The following RHBDD1 variants were observed in gnomAD, a reference collection of about 807,000 sequenced individuals.
RHBDD1 encodes rhomboid-related protein 4.
A neutral mutation model predicts 36.3 loss-of-function variants in RHBDD1; 38 were observed. The observed-to-expected ratio is 1.05, with a 90% CI of 0.81 to 1.37. RHBDD1 has a LOEUF of 1.37. RHBDD1 is among the 40% of genes most tolerant of loss of function. The pLI is 0.00. For missense variants in RHBDD1, 393 were observed against 377.6 expected (o/e 1.04, Z -0.34); for synonymous variants, 151 against 136.5 (o/e 1.11, Z -0.74).
intron 5 of RHBDD1, among the ~76,000 whole-genome samples, chr2:226,896,252 A>G (rs1331645008): frequency 1.3e-5 from 2 of 152,176 alleles, no homozygotes; most frequent in East Asian, 1.9e-4. Flanking sequence ...GAGTTCTTGC[A>G]TTGTCTCTCA....
At chr2:226,873,684 C>T (rs569985192) in intron 5 of RHBDD1, among the ~76,000 whole-genome samples, 6 of 152,092 alleles carry the variant, frequency 3.9e-5, no homozygotes, top group South Asian at 2.1e-4. Flanking sequence ...AGTTTGAAAA[C>T]GGAGAAAGCT....
At chr2:226,934,951 G>A (rs1426977006) in intron 8 of RHBDD1, among the ~76,000 whole-genome samples, 1 of 151,902 alleles carries the variant, frequency 6.6e-6, no homozygotes, top group Admixed American at 6.6e-5. Flanking sequence ...CCAGCGTGCA[G>A]CATGGGTACT....
At chr2:226,989,854 C>G (rs1244966486) in intron 8 of RHBDD1, among the ~76,000 whole-genome samples, 1 of 152,162 alleles carries the variant, frequency 6.6e-6, no homozygotes, top group Non-Finnish European at 1.5e-5. Flanking sequence ...TTTCACAATG[C>G]AGGGTGCTGA....
Position 226,890,279 on chromosome 2 carries a change from A to G in RHBDD1, c.567-16514A>G, listed in dbSNP as rs1574973919. On this transcript the variant is annotated intron_variant, in intron 5 of 8. Transcript: ENST00000392062. ...GTGAGATGTTTGAGTTTTGACTCAC[A>G]TTTTGTTTACCTGCAACGTGTCAGC... Among the ~76,000 whole-genome samples, 4 of 152,300 alleles carry G rather than the reference A, an allele frequency of 2.6e-5. No homozygotes were observed. In the South Asian group the frequency reaches 8.3e-4, roughly 32 times the overall value.
chr2:226,887,402 C>G (rs940901851), intron 5 of RHBDD1, among the ~76,000 whole-genome samples: 2 of 152,114 alleles, frequency 1.3e-5, no homozygotes, highest in South Asian at 4.1e-4. Flanking sequence ...GCTTATGATC[C>G]TGTAATTTTT....
intron 5 of RHBDD1, among the ~76,000 whole-genome samples, chr2:226,879,072 CAAAA>C (rs916415771): frequency 1.2e-5 from 1 of 84,090 alleles, no homozygotes. Flanking sequence ...ACTGGCATTC[CAAAA>C]AAAAAAAAAA....
chr2:226,990,838 C>T (rs1958025566), intron 8 of RHBDD1, among the ~76,000 whole-genome samples: 1 of 152,138 alleles, frequency 6.6e-6, no homozygotes, highest in Admixed American at 6.6e-5. Context: ...TGAGGGCTGA[C>T]CTCCATTGAC....
At chr2:226,994,458 A>G (rs1319587968) in intron 8 of RHBDD1, among the ~76,000 whole-genome samples, 2 of 152,212 alleles carry the variant, frequency 1.3e-5, no homozygotes, top group Non-Finnish European at 2.9e-5. Flanking sequence ...ATCGGGGTTG[A>G]CCTAGCATTA....
intron 6 of RHBDD1, 200 bp from the exon 7 acceptor site, chr2:226,908,622 T>G: frequency 1.9e-4 from 94 of 493,896 alleles, no homozygotes; most frequent in Middle Eastern, 5.5e-4. Context: ...CACACACACA[T>G]TCTTTTCCCT....
intron 8 of RHBDD1, among the ~76,000 whole-genome samples, chr2:226,931,655 A>G (rs1950038508): frequency 6.6e-6 from 1 of 152,138 alleles, no homozygotes; most frequent in Admixed American, 6.6e-5. Flanking sequence ...AATAAAAAAA[A>G]TTGAAAATCT....
the RHBDD1 span, among the ~76,000 whole-genome samples, chr2:226,825,139 A>G: frequency 6.6e-6 from 1 of 152,200 alleles, no homozygotes; most frequent in Non-Finnish European, 1.5e-5. Context: ...CACTCATGAA[A>G]TATTTTGCCA....
intron 5 of RHBDD1, among the ~76,000 whole-genome samples, chr2:226,871,886 T>C (rs1379267641): frequency 2.6e-5 from 4 of 152,234 alleles, no homozygotes; most frequent in Non-Finnish European, 5.9e-5. Context: ...GTAGTCTCCA[T>C]TATAAGGGCA....
At chr2:226,907,395 T>C (rs1428268199) in intron 6 of RHBDD1, among the ~76,000 whole-genome samples, 2 of 152,170 alleles carry the variant, frequency 1.3e-5, no homozygotes, top group East Asian at 3.9e-4. Context: ...TAGCTCCTGC[T>C]TTTTTTAATT....
At chr2:226,936,854 G>C (rs910094548) in intron 8 of RHBDD1, among the ~76,000 whole-genome samples, 1 of 152,024 alleles carries the variant, frequency 6.6e-6, no homozygotes, top group Non-Finnish European at 1.5e-5. Context: ...TCTGCCAAAT[G>C]ACAAGCGATT....
intron 3 of RHBDD1, among the ~76,000 whole-genome samples, chr2:226,840,680 A>G (rs116450235): frequency 6.6e-6 from 1 of 152,334 alleles, no homozygotes; most frequent in Non-Finnish European, 1.5e-5. Context: ...CATTAGCTCT[A>G]GGAATGTTGT....
At chr2:226,921,923 A>G (rs1190036722) in intron 8 of RHBDD1, among the ~76,000 whole-genome samples, 2 of 152,228 alleles carry the variant, frequency 1.3e-5, no homozygotes, top group East Asian at 3.9e-4. Context: ...TCCATTGCTA[A>G]AACTGGGGTG....
At chr2:226,850,037 C>G (rs527345615) in intron 3 of RHBDD1, among the ~76,000 whole-genome samples, 3 of 152,232 alleles carry the variant, frequency 2.0e-5, no homozygotes, top group African/African-American at 7.2e-5. Context: ...TTGGGGAAGC[C>G]CAGACTAAAA....
At chr2:226,988,249 C>A in intron 8 of RHBDD1, 1 of 1,297,598 alleles carries the variant, frequency 7.7e-7, no homozygotes, top group Non-Finnish European at 1.0e-6. Flanking sequence ...GGGAGTAGGA[C>A]TCATATCAGG....
chr2:226,905,046 A>G (rs755056276), intron 5 of RHBDD1, among the ~76,000 whole-genome samples: 5 of 152,184 alleles, frequency 3.3e-5, no homozygotes, highest in Non-Finnish European at 7.3e-5. Context: ...TAAAAGCCAC[A>G]TAAAGGCTAT....
Sources: gnomAD v4.1 joint callset for allele counts (sites outside exome capture counted in the v4.1 genomes callset) on GRCh38, gnomAD v4.1.1 for gene constraint, MANE v1.5 for transcripts, NCBI Gene and HGNC (gene_info 2026-07-23, HGNC 2026-07-21) for gene names.